The following PREX2 variants were observed in gnomAD, a reference collection of about 807,000 sequenced individuals.
PREX2 encodes the protein phosphatidylinositol-3,4,5-trisphosphate dependent Rac exchange factor 2, also known as phosphatidylinositol 3,4,5-trisphosphate-dependent Rac exchanger 2 protein.
A neutral mutation model predicts 203.2 loss-of-function variants in PREX2; 107 were observed. The ratio of observed to expected loss-of-function variants is 0.53; its 90% CI spans 0.45 to 0.62. PREX2 has a LOEUF of 0.62. Ranked by LOEUF, PREX2 falls within the 20% of genes least tolerant of loss-of-function variation. The pLI, the probability that PREX2 is intolerant of heterozygous loss-of-function variation, is 0.00. For missense variants in PREX2, 1,777 were observed against 1,955.9 expected, an observed-to-expected ratio of 0.91 and a Z score of 1.72; for synonymous variants, 672 against 663.6, an observed-to-expected ratio of 1.01 and a Z score of -0.19.
intron 1 of PREX2, among the ~76,000 whole-genome samples, chr8:67,971,106 A>G (rs1585664258): frequency 6.6e-6 from 1 of 152,166 alleles, no homozygotes; most frequent in South Asian, 2.1e-4. Context: ...GCTTGGGGCC[A>G]GATGGTGAAT....
chr8:68,140,362 A>G (rs368771853), intron 33 of PREX2, among the ~76,000 whole-genome samples: 122 of 152,360 alleles, frequency 8.0e-4, no homozygotes, highest in African/African-American at 2.5e-3. Flanking sequence ...ATTGAACACT[A>G]AAAACAGCGA....
chr8:68,066,654 A>T (rs574994697), intron 11 of PREX2, among the ~76,000 whole-genome samples: 2 of 152,034 alleles, frequency 1.3e-5, no homozygotes, highest in African/African-American at 4.8e-5. Flanking sequence ...TATTTTTCCT[A>T]TTCCATAGAT....
At position 68,201,676 on chromosome 8, in the gene PREX2, C is replaced by A. The variant is rs534482818; in HGVS notation, c.4604+9151C>A. On this transcript the variant is annotated intron_variant, in intron 37 of 39. Transcript: ENST00000288368. ...CCAGTCCACTGACTCAAATGTTAATCTCTTTTGGCAACACCCTCACAAACA... is the reference window on the plus strand; with the variant it reads ...CCAGTCCACTGACTCAAATGTTAATATCTTTTGGCAACACCCTCACAAACA... Among the ~76,000 whole-genome samples, 5 of 152,244 alleles carry A rather than the reference C, an allele frequency of 3.3e-5. No individual in the cohort carries two copies. In the East Asian group the frequency reaches 9.7e-4, roughly 29 times the overall value.
intron 1 of PREX2, among the ~76,000 whole-genome samples, chr8:68,002,095 A>AAG (rs1170145532): frequency 6.6e-6 from 1 of 151,704 alleles, no homozygotes; most frequent in East Asian, 1.9e-4. Context: ...ACTTAAAAAA[A>AAG]AAAGAAAGTG....
chr8:68,033,680 C>T (rs1585723406), intron 6 of PREX2, among the ~76,000 whole-genome samples: 1 of 152,136 alleles, frequency 6.6e-6, no homozygotes, highest in Non-Finnish European at 1.5e-5. Context: ...TATGACTACA[C>T]TCAAGACTGA....
In PREX2 at chr8:68,093,678, C is replaced by T. The variant is rs923834676; in HGVS notation, c.2324C>T (p.Pro775Leu). Reference sequence around the variant, plus strand: ...GACCTTCAAAAATCTCACTCCAAGCCCCCTGGAGATGAAGCAGGGGATGCT... The same window carrying T: ...GACCTTCAAAAATCTCACTCCAAGCTCCCTGGAGATGAAGCAGGGGATGCT... Reference protein sequence around the residue: ...QEDLQKSHSKPPGDEAGDAFD... With the variant: ...QEDLQKSHSKLPGDEAGDAFD... The change falls in exon 21 of 40, where the codon CCC (proline) becomes CTC (leucine). Residue 775 changes from proline (P) to leucine (L), a missense_variant. Coordinates refer to ENST00000288368, the MANE Select transcript of PREX2 (RefSeq NM_024870.4). The T allele has an allele frequency of 1.2e-6, 2 of 1,610,166 alleles. No individual in the cohort carries two copies. The highest frequency in any genetic ancestry group is 1.7e-6 in the Non-Finnish European group (2 of 1,176,724).
At chr8:68,212,656 T>C (rs986243707) in intron 37 of PREX2, among the ~76,000 whole-genome samples, 3 of 152,234 alleles carry the variant, frequency 2.0e-5, no homozygotes, top group Non-Finnish European at 4.4e-5. Flanking sequence ...CCACAATTTT[T>C]GTAACATACT....
At chr8:68,228,238 G>A (rs1049364557) in intron 39 of PREX2, among the ~76,000 whole-genome samples, 6 of 152,078 alleles carry the variant, frequency 3.9e-5, no homozygotes, top group African/African-American at 1.4e-4. Flanking sequence ...TAAAGTTTTT[G>A]TTATGTCACA....
At chr8:68,154,819 A>AGAGT (rs2129613876) in intron 34 of PREX2, among the ~76,000 whole-genome samples, 1 of 152,314 alleles carries the variant, frequency 6.6e-6, no homozygotes, top group African/African-American at 2.4e-5. Context: ...AAATCATGGG[A>AGAGT]GAGTGATTAC....
intron 1 of PREX2, among the ~76,000 whole-genome samples, chr8:67,980,967 C>T (rs1207097987): frequency 6.6e-6 from 1 of 152,208 alleles, no homozygotes; most frequent in Non-Finnish European, 1.5e-5. Context: ...CTTTCTTCAT[C>T]ACTTTGTCCA....
At chr8:67,986,669 G>A (rs1319517858) in intron 1 of PREX2, among the ~76,000 whole-genome samples, 1 of 152,140 alleles carries the variant, frequency 6.6e-6, no homozygotes, top group Non-Finnish European at 1.5e-5. Context: ...TGAGTTGCTG[G>A]CACCCAGCAT....
intron 1 of PREX2, among the ~76,000 whole-genome samples, chr8:68,014,522 G>A (rs1288926169): frequency 6.6e-6 from 1 of 152,140 alleles, no homozygotes; most frequent in African/African-American, 2.4e-5. Flanking sequence ...CCTGTGTAGT[G>A]TCTGCATCTC....
intron 1 of PREX2, among the ~76,000 whole-genome samples, chr8:68,003,460 C>T (rs545750841): frequency 6.6e-6 from 1 of 152,226 alleles, no homozygotes; most frequent in East Asian, 1.9e-4. Flanking sequence ...TACTATAGAC[C>T]AGGAAGACTT....
chr8:68,094,833 CA>C (rs1223171106), intron 21 of PREX2, among the ~76,000 whole-genome samples: 1 of 152,216 alleles, frequency 6.6e-6, no homozygotes, highest in Non-Finnish European at 1.5e-5. Flanking sequence ...GTTAGGGGAT[CA>C]GCCCCACAAG....
In PREX2 at chr8:68,208,752, A is replaced by G. The variant is rs1812691344; in HGVS notation, c.4605-8864A>G. ...GATGGGTGTTCAGATGTTGCTTTGGAGTGCATAAAATCACATGATCAGCAG... is the reference window on the plus strand; with the variant it reads ...GATGGGTGTTCAGATGTTGCTTTGGGGTGCATAAAATCACATGATCAGCAG... On this transcript the variant is annotated intron_variant, in intron 37 of 39. Transcript: ENST00000288368. Among the ~76,000 whole-genome samples the G allele has an allele frequency of 2.0e-5, 3 of 152,074 alleles. No individual in the cohort carries two copies. In the South Asian group the frequency reaches 6.2e-4, roughly 32 times the overall value.
intron 10 of PREX2, among the ~76,000 whole-genome samples, chr8:68,056,614 CT>C (rs11337969): frequency 0.59 from 89,577 of 151,974 alleles, 28,372 homozygotes; most frequent in African/African-American, 0.83. Context: ...TCAGGTAGCT[CT>C]TTTTTAGGCC....
chr8:67,987,602 G>A (rs980197598), intron 1 of PREX2, among the ~76,000 whole-genome samples: 2 of 152,230 alleles, frequency 1.3e-5, no homozygotes, highest in Admixed American at 6.5e-5. Context: ...CATCACGTGC[G>A]CTGGACTGAT....
chr8:67,995,339 G>A (rs571453519), intron 1 of PREX2, among the ~76,000 whole-genome samples: 3 of 152,244 alleles, frequency 2.0e-5, no homozygotes, highest in African/African-American at 7.2e-5. Flanking sequence ...GAAGATAAGT[G>A]ATGGGCACTT....
intron 15 of PREX2, 135 bp downstream of exon 15, chr8:68,077,604 A>G: frequency 1.4e-6 from 1 of 704,430 alleles, no homozygotes; most frequent in Non-Finnish European, 2.6e-6. Flanking sequence ...CCATGGGTTC[A>G]GGTTGGGTCA....
Sources: gnomAD v4.1 joint callset for allele counts (sites outside exome capture counted in the v4.1 genomes callset) on GRCh38, gnomAD v4.1.1 for gene constraint, MANE v1.5 for transcripts, NCBI Gene and HGNC (gene_info 2026-07-23, HGNC 2026-07-21) for gene names.